Variants in ITPR3 observed in about 807,000 individuals in gnomAD.
The protein encoded by ITPR3 is inositol 1,4,5-trisphosphate receptor type 3, also known as inositol 1,4,5-trisphosphate-gated calcium channel ITPR3.
A neutral mutation model predicts 293.2 loss-of-function variants in ITPR3; 173 were observed. That is an observed-to-expected ratio of 0.59 (90% CI 0.52 to 0.67). ITPR3 has a LOEUF of 0.67. Among genes scored for constraint, ITPR3 ranks in the 30% least tolerant of loss-of-function variants. The pLI is 0.00. For missense variants in ITPR3, 2,796 were observed against 3,592.1 expected (o/e 0.78, Z 5.66); for synonymous variants, 1,295 against 1,444.4 (o/e 0.90, Z 2.35).
intron 22 of ITPR3, among the ~76,000 whole-genome samples, chr6:33,673,330 C>T (rs1255586181): frequency 4.6e-5 from 7 of 152,140 alleles, no homozygotes; most frequent in African/African-American, 1.7e-4. Flanking sequence ...CTCGCTGCCT[C>T]ATGCTGAGAG....
chr6:33,660,985 G>C (rs534313309), intron 7 of ITPR3, among the ~76,000 whole-genome samples: 46 of 152,174 alleles, frequency 3.0e-4, no homozygotes, highest in South Asian at 1.3e-3. Flanking sequence ...AGCATCACTT[G>C]GGCCTCACTC....
chr6:33,663,997 G>T, intron 11 of ITPR3, 117 bp downstream of exon 11: 1 of 1,306,870 alleles, frequency 7.7e-7, no homozygotes, highest in Non-Finnish European at 1.1e-6. Flanking sequence ...TTAGCCTCTG[G>T]GGTCTCTGTA....
At chr6:33,662,840 G>T in intron 8 of ITPR3, 71 bp from the exon 9 acceptor site, 1 of 1,516,994 alleles carries the variant, frequency 6.6e-7, no homozygotes, top group South Asian at 1.2e-5. Context: ...GAGATCTCCA[G>T]GCCTCCCTGG....
rs749857865 is a variant in ITPR3, at chr6:33,664,842, G to A, written c.1149-28G>A. On this transcript the variant is annotated intron_variant, in intron 11 of 57. Transcript: ENST00000605930. This position sits in a 1 kb window ranked among gnomAD's most constrained non-coding sequence, Gnocchi z 4.4. ...TGACGTGCTCTGTGGTGCACTCCCCGAGTCCTTTCCCTCCCACCCACCTGC... is the reference window on the plus strand; with the variant it reads ...TGACGTGCTCTGTGGTGCACTCCCCAAGTCCTTTCCCTCCCACCCACCTGC... 67 of 1,605,078 alleles carry A rather than the reference G, an allele frequency of 4.2e-5. No homozygotes were observed. Among genetic ancestry groups the A allele is most frequent in the Non-Finnish European group, 5.0e-5 (59 of 1,173,848 alleles).
At position 33,672,018 on chromosome 6, in the gene ITPR3, C is replaced by T. The variant is rs369922227; in HGVS notation, c.2729-11C>T. On this transcript the variant is annotated splice_polypyrimidine_tract_variant and intron_variant, in intron 21 of 57. Transcript: ENST00000605930. The surrounding 1 kb of genome is among the most constrained non-coding windows in gnomAD (Gnocchi z 5.0). ...CCTCCTTGGCAACCTCCTCTGCTTC[C>T]CCCTCCACAGGCAAGAATGTGCGGC... The T allele has an allele frequency of 1.0e-5, 16 of 1,589,250 alleles. No homozygotes were observed. Among genetic ancestry groups the T allele is most frequent in the Non-Finnish European group, 1.4e-5 (16 of 1,166,150 alleles).
intron 39 of ITPR3, 59 bp downstream of exon 39, chr6:33,685,002 G>A: frequency 6.4e-7 from 1 of 1,551,212 alleles, no homozygotes; most frequent in Non-Finnish European, 8.7e-7. Flanking sequence ...TTTTGGAGGA[G>A]GTGGGCCTTG....
rs1765250092 is a variant in ITPR3 at position 33,687,044 on chromosome 6, G to A, written c.6015G>A (p.Glu2005=). Residue 2005 remains glutamate (E), a synonymous_variant, in exon 44 of 58, where the codon GAG becomes GAA. Coordinates refer to ENST00000605930, the MANE Select transcript of ITPR3 (RefSeq NM_002224.4). The surrounding 1 kb of genome is among the most constrained non-coding windows in gnomAD (Gnocchi z 5.3). ...NASKLLLALM[E]SRHDSENAER... ...CCAAGCTGCTCCTGGCTCTGATGGA[G>A]AGCCGGCATGACAGTGAAAATGCTG... is the stretch of plus-strand genomic sequence containing the variant. 4 of 1,614,012 alleles carry A rather than the reference G, an allele frequency of 2.5e-6. No individual in the cohort carries two copies. Among genetic ancestry groups the A allele is most frequent in the East Asian group, 2.2e-5 (1 of 44,880 alleles).
At position 33,667,198 on chromosome 6, in the gene ITPR3, C is replaced by G. The variant is rs773744412; in HGVS notation, c.1621C>G (p.Leu541Val). The G allele has an allele frequency of 6.2e-7, 1 of 1,614,156 alleles. No homozygotes were observed. Residue 541 changes from leucine to valine, a missense_variant, in exon 15 of 58, where the codon CTG becomes GTG. Physicochemically the swap from Leu to Val is conservative, Grantham distance 32. This residue lies in a region of ITPR3 where 955 missense variants were observed against 1,180.8 expected (regional missense o/e 0.81). Coordinates refer to ENST00000605930, the MANE Select transcript of ITPR3 (RefSeq NM_002224.4). The surrounding 1 kb of genome is among the most constrained non-coding windows in gnomAD (Gnocchi z 4.4). The part of the protein sequence containing the change: ...GEGPLVRLEE[L>V]SDQKNAPYQH... ...AGGTCCCCTGGTGCGGCTGGAGGAGCTGTCAGACCAGAAGAACGCCCCCTA... is the reference window on the plus strand; with the variant it reads ...AGGTCCCCTGGTGCGGCTGGAGGAGGTGTCAGACCAGAAGAACGCCCCCTA...
intron 2 of ITPR3, among the ~76,000 whole-genome samples, chr6:33,642,485 G>A (rs1047508652): frequency 1.3e-5 from 2 of 152,136 alleles, no homozygotes; most frequent in East Asian, 1.9e-4. Context: ...CATGTGTGTC[G>A]AGGTGTGTGT....
chr6:33,694,698 C>A, intron 56 of ITPR3: 1 of 550,630 alleles, frequency 1.8e-6, no homozygotes, highest in South Asian at 2.3e-5. Flanking sequence ...CGCTGCCTAA[C>A]GGAAGTCAGC....
In ITPR3 at chr6:33,662,933, G is replaced by T; in HGVS notation, c.881G>T (p.Arg294Leu). 2 of 1,602,302 alleles carry T rather than the reference G, an allele frequency of 1.2e-6. No homozygotes were observed. Among genetic ancestry groups the T allele is most frequent in the Non-Finnish European group, 1.7e-6 (2 of 1,173,840 alleles). ...EVEVVHHDPC[R>L]GGAGHWNGLY... ...TAGGTGGTCCACCACGACCCCTGCC[G>T]TGGAGGAGCTGGGCACTGGAATGGC... The change falls in exon 9 of 58, where the codon CGT becomes CTT. Residue 294 changes from arginine to leucine, a missense_variant. By Grantham distance (102) the Arg-to-Leu change is moderately radical (BLOSUM62 -2). Coordinates refer to ENST00000605930, the MANE Select transcript of ITPR3 (RefSeq NM_002224.4).
At chr6:33,657,407 G>C (rs1456465656) in intron 3 of ITPR3, among the ~76,000 whole-genome samples, 2 of 152,222 alleles carry the variant, frequency 1.3e-5, no homozygotes, top group Non-Finnish European at 1.5e-5. Context: ...ACTCAGGGAG[G>C]GCTGCCTGGA....
intron 43 of ITPR3, 66 bp from the exon 44 acceptor site, chr6:33,686,943 G>C: frequency 7.9e-7 from 1 of 1,260,612 alleles, no homozygotes; most frequent in Non-Finnish European, 1.2e-6. Context: ...AGAGGAATGA[G>C]GGAGAAGTTG....
At chr6:33,695,584 G>A in intron 57 of ITPR3, 128 bp from the exon 58 acceptor site, 2 of 869,486 alleles carry the variant, frequency 2.3e-6, no homozygotes, top group East Asian at 2.4e-5. Flanking sequence ...AGGGGCCCTG[G>A]CCCGCCGCCA....
rs559859434 is a variant in ITPR3, at chr6:33,644,462, C to T, written c.160+3908C>T. 2.6e-5 allele frequency among the ~76,000 whole-genome samples: 4 copies of T among 151,890 alleles called. No individual in the cohort carries two copies. The South Asian group carries it at 6.2e-4, about 24-fold the overall frequency. On this transcript the variant is annotated intron_variant, in intron 2 of 57. Transcript: ENST00000605930. ...TTTAAAGAATTAACATAGCTGTAGC[C>T]GAAGCCCCCTACATCTTCCTCCCTT...
At chr6:33,661,040 G>A (rs1036736611) in intron 7 of ITPR3, among the ~76,000 whole-genome samples, 13 of 152,210 alleles carry the variant, frequency 8.5e-5, no homozygotes, top group African/African-American at 3.1e-4. Context: ...TCATGGCTCC[G>A]TGGTTCCAAG....
At chr6:33,695,228 C>A in intron 57 of ITPR3, 143 bp downstream of exon 57, 2 of 871,748 alleles carry the variant, frequency 2.3e-6, no homozygotes, top group Non-Finnish European at 3.5e-6. Context: ...CAAACCCACT[C>A]TCCCCTGCAT....
chr6:33,667,015 T>G lies in ITPR3; in HGVS notation c.1552-114T>G. 1 of 1,241,632 alleles carries G rather than the reference T, an allele frequency of 8.1e-7. No homozygotes were observed. Among genetic ancestry groups the G allele is most frequent in the Non-Finnish European group, 1.1e-6 (1 of 879,834 alleles). 76.9% of individuals were successfully genotyped at this position (1,241,632 alleles called of 1,614,324 possible). A position where few individuals can be genotyped will look rare whatever the true frequency, so the allele number is the denominator to read the frequency against. On this transcript the variant is annotated intron_variant, in intron 14 of 57. Transcript: ENST00000605930. This position sits in a 1 kb window ranked among gnomAD's most constrained non-coding sequence, Gnocchi z 4.4. Reference sequence around the variant, plus strand: ...CAGCTTAGAATCAGCTCGAAGCTGATGTCCGGGCTGGCTTTAGGGCAGAGT... The same window carrying G: ...CAGCTTAGAATCAGCTCGAAGCTGAGGTCCGGGCTGGCTTTAGGGCAGAGT...
chr6:33,646,087 C>T (rs920616285), intron 2 of ITPR3, among the ~76,000 whole-genome samples: 3 of 152,270 alleles, frequency 2.0e-5, no homozygotes, highest in South Asian at 2.1e-4. Flanking sequence ...CCACCCGCCT[C>T]GGTCTCCCAA....
Sources: gnomAD v4.1 joint callset for allele counts (sites outside exome capture counted in the v4.1 genomes callset) on GRCh38, gnomAD v4.1.1 for gene constraint, gnomAD v4.1.1 regional missense constraint, Gnocchi (gnomAD v3.1) non-coding constraint, MANE v1.5 for transcripts, NCBI Gene and HGNC (gene_info 2026-07-23, HGNC 2026-07-21) for gene names.